The following TMTC2 variants were observed in gnomAD, a reference collection of about 807,000 sequenced individuals.
TMTC2 encodes transmembrane O-mannosyltransferase targeting cadherins 2.
Under a neutral mutation model 82.4 loss-of-function variants are expected in TMTC2, and 43 were observed. The ratio of observed to expected loss-of-function variants is 0.52; its 90% CI spans 0.41 to 0.67. TMTC2 has a LOEUF of 0.67. TMTC2 is among the 30% of genes least tolerant of loss of function. TMTC2 has a pLI of 0.00. For synonymous variants in TMTC2, 408 were observed against 381.9 expected, an observed-to-expected ratio of 1.07 and a Z score of -0.80; for missense variants, 919 against 1,012.4, an observed-to-expected ratio of 0.91 and a Z score of 1.25.
At chr12:83,087,481 T>A (rs879405686) in intron 11 of TMTC2, among the ~76,000 whole-genome samples, 2 of 152,224 alleles carry the variant, frequency 1.3e-5, no homozygotes, top group Middle Eastern at 3.2e-3. Flanking sequence ...TTTGCCCAGA[T>A]CCATCAGAGG....
intron 8 of TMTC2, among the ~76,000 whole-genome samples, chr12:83,007,565 C>T (rs887986408): frequency 2.0e-5 from 3 of 152,094 alleles, no homozygotes; most frequent in Non-Finnish European, 4.4e-5. Flanking sequence ...TTCACAATTC[C>T]TCCCTCCTGT....
At position 82,930,550 on chromosome 12, in the gene TMTC2, G is replaced by A; in HGVS notation, c.1598+5G>A. The A allele has an allele frequency of 6.4e-7, 1 of 1,559,878 alleles. No individual in the cohort carries two copies. On this transcript the variant is annotated splice_donor_5th_base_variant and intron_variant, in intron 4 of 11. Coordinates refer to ENST00000321196, the MANE Select transcript of TMTC2 (RefSeq NM_152588.3). ...GGCTGACATGCTTTATAATTTGTGA[G>A]TATGCCTTGCTTCTCTGGTTTGGTT...
chr12:82,753,145 C>T (rs373042331), intron 1 of TMTC2, among the ~76,000 whole-genome samples: 30 of 152,204 alleles, frequency 2.0e-4, no homozygotes, highest in East Asian at 1.4e-3. Flanking sequence ...ATATATGAGG[C>T]GGTCCTTTCA....
intron 4 of TMTC2, among the ~76,000 whole-genome samples, chr12:82,962,280 T>A (rs1877976363): frequency 6.6e-6 from 1 of 152,058 alleles, no homozygotes; most frequent in Non-Finnish European, 1.5e-5. Flanking sequence ...GCTCATTCCC[T>A]TCATGTTCAT....
intron 1 of TMTC2, among the ~76,000 whole-genome samples, chr12:82,694,384 A>G (rs1436929837): frequency 6.6e-6 from 1 of 152,240 alleles, no homozygotes; most frequent in Non-Finnish European, 1.5e-5. Flanking sequence ...AATGGAATTA[A>G]AGATATATTT....
intron 11 of TMTC2, among the ~76,000 whole-genome samples, chr12:83,127,217 G>T (rs1294210357): frequency 6.6e-6 from 1 of 152,046 alleles, no homozygotes; most frequent in Non-Finnish European, 1.5e-5. Flanking sequence ...TAATAACTAG[G>T]TAAGGCTAAC....
At chr12:82,997,206 CCTCT>C (rs202229293) in intron 8 of TMTC2, among the ~76,000 whole-genome samples, 4 of 117,840 alleles carry the variant, frequency 3.4e-5, no homozygotes, top group East Asian at 4.7e-4. Context: ...TCCCCCTCTC[CCTCT>C]CTCTCTCTCT....
At chr12:82,751,836 C>T (rs1169475663) in intron 1 of TMTC2, among the ~76,000 whole-genome samples, 4 of 152,052 alleles carry the variant, frequency 2.6e-5, no homozygotes, top group Admixed American at 6.6e-5. Context: ...AATATTTTTT[C>T]CATATTTACA....
At chr12:82,918,913 A>AGTAATAATAAGT (rs1875200467) in intron 3 of TMTC2, among the ~76,000 whole-genome samples, 1 of 152,018 alleles carries the variant, frequency 6.6e-6, no homozygotes, top group Admixed American at 6.6e-5. Context: ...GCCTGCCACC[A>AGTAATAATAAGT]CGCCTGGCTA....
At chr12:82,731,859 T>C (rs1207778402) in intron 1 of TMTC2, among the ~76,000 whole-genome samples, 1 of 152,206 alleles carries the variant, frequency 6.6e-6, no homozygotes, top group East Asian at 1.9e-4. Context: ...ATCATGGTAA[T>C]ATATGCAAAA....
chr12:83,117,825 T>C lies in TMTC2; in HGVS notation c.2332-14385T>C, dbSNP rs574856169. Among the ~76,000 whole-genome samples the C allele has an allele frequency of 2.0e-5, 3 of 152,284 alleles. No individual in the cohort carries two copies. The South Asian group carries it at 6.2e-4, about 32-fold the overall frequency. On this transcript the variant is annotated intron_variant, in intron 11 of 11. Transcript: ENST00000321196. ...TCCATTTGTTTGTGTCATCTATGAT[T>C]TCTTTCAGCAGTGTTTGTAGTTTTC...
At chr12:82,703,674 A>G (rs573304335) in intron 1 of TMTC2, among the ~76,000 whole-genome samples, 6 of 151,640 alleles carry the variant, frequency 4.0e-5, no homozygotes, top group African/African-American at 1.2e-4. Context: ...AATTTTTTCT[A>G]TTTTTTGGTA....
chr12:83,066,771 T>C (rs1457689513), intron 11 of TMTC2, among the ~76,000 whole-genome samples: 2 of 151,956 alleles, frequency 1.3e-5, no homozygotes, highest in African/African-American at 2.4e-5. Context: ...TGTTCCAAAA[T>C]TTTGATTTTA....
At chr12:82,798,158 T>C (rs1878813583) in intron 1 of TMTC2, among the ~76,000 whole-genome samples, 1 of 150,724 alleles carries the variant, frequency 6.6e-6, no homozygotes, top group Non-Finnish European at 1.5e-5. Flanking sequence ...GGTTTCACCG[T>C]GTTAGCCAGG....
chr12:82,952,896 G>A (rs566476671), intron 4 of TMTC2, among the ~76,000 whole-genome samples: 6 of 152,228 alleles, frequency 3.9e-5, no homozygotes, highest in South Asian at 2.1e-4. Flanking sequence ...TTAAAAACAC[G>A]AATAATGCAT....
intron 1 of TMTC2, among the ~76,000 whole-genome samples, chr12:82,798,466 C>A (rs1429533579): frequency 1.5e-5 from 2 of 132,374 alleles, no homozygotes; most frequent in South Asian, 2.4e-4. Context: ...CACTGCACTC[C>A]GGCCTGCGCG....
chr12:83,062,648 G>A (rs986376789), intron 11 of TMTC2, among the ~76,000 whole-genome samples: 1 of 151,726 alleles, frequency 6.6e-6, no homozygotes, highest in Non-Finnish European at 1.5e-5. Flanking sequence ...CTCATCCATT[G>A]GGCAAGCATC....
intron 8 of TMTC2, among the ~76,000 whole-genome samples, chr12:82,997,424 A>ATG: frequency 1.8e-5 from 1 of 55,076 alleles, no homozygotes; most frequent in South Asian, 1.0e-3. Flanking sequence ...ATATATATAT[A>ATG]TATACACACA....
chr12:82,845,226 CAAAAA>C (rs66859423), intron 1 of TMTC2, among the ~76,000 whole-genome samples: 2 of 45,562 alleles, frequency 4.4e-5, no homozygotes, highest in African/African-American at 1.0e-4. Context: ...GTGACTGTCT[CAAAAA>C]AAAAAAAAAA....
Sources: allele counts gnomAD v4.1 joint callset (sites outside exome capture counted in the v4.1 genomes callset), GRCh38; gene constraint gnomAD v4.1.1; transcripts MANE v1.5; gene names NCBI Gene and HGNC (gene_info 2026-07-23, HGNC 2026-07-21).